TRIM38: variants seen among roughly 807,000 people sequenced by gnomAD.
The protein encoded by TRIM38 is E3 ubiquitin-protein ligase TRIM38.
Under a neutral mutation model 35.8 loss-of-function variants are expected in TRIM38, and 35 were observed. The ratio of observed to expected loss-of-function variants is 0.98; its 90% CI spans 0.75 to 1.30. The LOEUF (loss-of-function observed/expected upper bound fraction) is 1.30. Ranked by LOEUF, TRIM38 falls within the 50% of genes most tolerant of loss-of-function variation. TRIM38 has a pLI of 0.00. For missense variants in TRIM38, 545 were observed against 556.9 expected (o/e 0.98, Z 0.21); for synonymous variants, 198 against 204.7 (o/e 0.97, Z 0.28).
In TRIM38 at chr6:25,986,217, C is replaced by G. The variant is rs909681304; in HGVS notation, c.*2530C>G. 1 of 152,108 alleles carries G rather than the reference C, an allele frequency of 6.6e-6. No individual in the cohort carries two copies. Among genetic ancestry groups the G allele is most frequent in the African/African-American group, 2.4e-5 (1 of 41,434 alleles). The allele number at this position is 152,108 out of a possible 1,614,324, so 9.4% of individuals were successfully genotyped here. On this transcript the variant is annotated 3_prime_UTR_variant, in exon 8 of 8. Coordinates refer to ENST00000357085, the MANE Select transcript of TRIM38 (RefSeq NM_006355.5). Reference sequence around the variant, plus strand: ...GAAAATCTAAACAGACTGATAAATACAAAATGAAATTCAGACACTTACAGA... The same window carrying G: ...GAAAATCTAAACAGACTGATAAATAGAAAATGAAATTCAGACACTTACAGA...
Position 25,964,901 on chromosome 6 carries a change from T to C in TRIM38, c.-188-1434T>C, listed in dbSNP as rs527787097. Among the ~76,000 whole-genome samples, 3 of 151,108 alleles carry C rather than the reference T, an allele frequency of 2.0e-5. No individual in the cohort carries two copies. In the South Asian group the frequency reaches 6.3e-4, roughly 32 times the overall value. On this transcript the variant is annotated intron_variant, in intron 2 of 7. Transcript: ENST00000357085. Reference sequence around the variant, plus strand: ...ATCTGGGCTCACTGCAACCTCCCCCTCCGGAGCTCAAGTCATTCTCCTTCC... The same window carrying C: ...ATCTGGGCTCACTGCAACCTCCCCCCCCGGAGCTCAAGTCATTCTCCTTCC...
At chr6:25,981,588 A>C (rs1188935732) in intron 7 of TRIM38, among the ~76,000 whole-genome samples, 1 of 152,146 alleles carries the variant, frequency 6.6e-6, no homozygotes, top group Non-Finnish European at 1.5e-5. Flanking sequence ...GTTTGATTCT[A>C]GTCTGATATT....
rs1760639070 is a variant in TRIM38, at chr6:25,983,791, A to C, written c.*104A>C. Reference sequence around the variant, plus strand: ...TTTTCTTCGCTGTCATTTCCTTAGTAGTTAGACTAGTGCTGAGATTTTAGT... The same window carrying C: ...TTTTCTTCGCTGTCATTTCCTTAGTCGTTAGACTAGTGCTGAGATTTTAGT... On this transcript the variant is annotated 3_prime_UTR_variant, in exon 8 of 8. Transcript: ENST00000357085. 3.8e-6 allele frequency: 4 copies of C among 1,065,204 alleles called. No individual in the cohort carries two copies. The highest frequency in any genetic ancestry group is 3.2e-5 in the African/African-American group (2 of 62,684). The allele number at this position is 1,065,204 out of a possible 1,614,324, so 66.0% of individuals were successfully genotyped here.
Position 25,989,571 on chromosome 6 carries a change from C to T in TRIM38, c.*5884C>T, listed in dbSNP as rs1581616379. The T allele has an allele frequency of 1.6e-5, 2 of 125,152 alleles. No homozygotes were observed. Among genetic ancestry groups the T allele is most frequent in the Admixed American group, 1.0e-4 (1 of 9,938 alleles). The allele number at this position is 125,152 out of a possible 1,614,324, so 7.8% of individuals were successfully genotyped here. On this transcript the variant is annotated 3_prime_UTR_variant, in exon 8 of 8. Transcript: ENST00000357085. ...GTCTTGCTACAGTGCCCAGGCTGGT[C>T]TCGAACTCCAGGCCTAAAATGATCC... is the stretch of plus-strand genomic sequence containing the variant.
intron 2 of TRIM38, among the ~76,000 whole-genome samples, chr6:25,965,534 A>C (rs915082371): frequency 6.6e-6 from 1 of 152,086 alleles, no homozygotes; most frequent in Non-Finnish European, 1.5e-5. Context: ...AGGCAGGAGG[A>C]TTGCTTAAAC....
In TRIM38 at chr6:25,966,430, G is replaced by C. The variant is rs1392037525; in HGVS notation, c.-93G>C. 8 of 1,325,646 alleles carry C rather than the reference G, an allele frequency of 6.0e-6. No individual in the cohort carries two copies. The East Asian group carries it at 1.7e-4, about 28-fold the overall frequency. 82.1% of individuals were successfully genotyped at this position (1,325,646 alleles called of 1,614,324 possible). Reference sequence around the variant, plus strand: ...AGTTGCAGCCAGCTCATCACATAGAGGTGCAGGTGAGGTGTATTTTCATCA... The same window carrying C: ...AGTTGCAGCCAGCTCATCACATAGACGTGCAGGTGAGGTGTATTTTCATCA... On this transcript the variant is annotated 5_prime_UTR_variant, in exon 3 of 8. Coordinates refer to ENST00000357085, the MANE Select transcript of TRIM38 (RefSeq NM_006355.5).
chr6:25,974,141 G>A (rs918583364), intron 7 of TRIM38, among the ~76,000 whole-genome samples: 2 of 152,212 alleles, frequency 1.3e-5, no homozygotes, highest in African/African-American at 4.8e-5. Flanking sequence ...GGTCTGATAA[G>A]GCTGCAGTTA....
At chr6:25,977,632 A>T (rs1760433741) in intron 7 of TRIM38, among the ~76,000 whole-genome samples, 1 of 150,832 alleles carries the variant, frequency 6.6e-6, no homozygotes, top group South Asian at 2.1e-4. Context: ...GTGCCACTGC[A>T]CTCCAGCTTG....
intron 4 of TRIM38, among the ~76,000 whole-genome samples, chr6:25,970,632 A>G (rs1441383763): frequency 2.6e-5 from 4 of 152,222 alleles, no homozygotes; most frequent in Non-Finnish European, 5.9e-5. Flanking sequence ...AAACCCGTCT[A>G]TACAAGAGTT....
In TRIM38 at chr6:25,983,302, G is replaced by C; in HGVS notation, c.1013G>C (p.Gly338Ala). The change falls in exon 8 of 8, where the codon GGT becomes GCT. Residue 338 changes from glycine (G) to alanine (A), a missense_variant. By Grantham distance (60) the Gly-to-Ala change is moderately conservative (BLOSUM62 0). Coordinates refer to ENST00000357085, the MANE Select transcript of TRIM38 (RefSeq NM_006355.5). The part of the protein sequence containing the change: ...RRFTAFPCVL[G>A]CEGFTSGRRY... ...TTTACTGCCTTCCCCTGTGTCTTGG[G>C]TTGTGAAGGCTTCACCTCAGGAAGA... 1 of 1,614,170 alleles carries C rather than the reference G, an allele frequency of 6.2e-7. No individual in the cohort carries two copies. The highest frequency in any genetic ancestry group is 8.5e-7 in the Non-Finnish European group (1 of 1,180,026).
intron 2 of TRIM38, among the ~76,000 whole-genome samples, chr6:25,964,686 A>C (rs1759961068): frequency 6.6e-6 from 1 of 152,074 alleles, no homozygotes. Context: ...AATTCAAAAT[A>C]CTCATTATAC....
At chr6:25,983,102 A>G (rs1760601589) in intron 7 of TRIM38, 62 bp from the exon 8 acceptor site, 2 of 1,485,096 alleles carry the variant, frequency 1.3e-6, no homozygotes. Context: ...AAAATAAAAT[A>G]AAATAACCTG....
At chr6:25,983,075 A>G in intron 7 of TRIM38, 89 bp from the exon 8 acceptor site, 1 of 1,338,694 alleles carries the variant, frequency 7.5e-7, no homozygotes, top group Non-Finnish European at 1.0e-6. Flanking sequence ...GGTGACAGCA[A>G]CACTCCATCT....
intron 7 of TRIM38, among the ~76,000 whole-genome samples, chr6:25,980,514 C>T (rs1350562639): frequency 6.6e-6 from 1 of 151,914 alleles, no homozygotes; most frequent in African/African-American, 2.4e-5. Context: ...TCTGCCTCCC[C>T]GGTTCAAGTG....
intron 2 of TRIM38, among the ~76,000 whole-genome samples, chr6:25,963,807 G>C (rs912779286): frequency 6.6e-6 from 1 of 152,152 alleles, no homozygotes; most frequent in African/African-American, 2.4e-5. Context: ...CTAGCAAGAC[G>C]TTATTAGCCA....
At chr6:25,981,093 C>T (rs1229272981) in intron 7 of TRIM38, among the ~76,000 whole-genome samples, 1 of 152,228 alleles carries the variant, frequency 6.6e-6, no homozygotes, top group East Asian at 1.9e-4. Flanking sequence ...GAACTAGGAA[C>T]AGTTAGAGAG....
intron 7 of TRIM38, among the ~76,000 whole-genome samples, chr6:25,976,208 G>A (rs1760387883): frequency 6.6e-6 from 1 of 152,174 alleles, no homozygotes; most frequent in African/African-American, 2.4e-5. Flanking sequence ...CATAGAAAGA[G>A]TCTAGAGTCT....
At chr6:25,964,328 A>G (rs764581461) in intron 2 of TRIM38, among the ~76,000 whole-genome samples, 6 of 152,200 alleles carry the variant, frequency 3.9e-5, no homozygotes, top group Non-Finnish European at 8.8e-5. Flanking sequence ...ATACATATTT[A>G]TTTCAGAGGG....
In TRIM38 at chr6:25,983,358, A is replaced by G. The variant is rs1452377716; in HGVS notation, c.1069A>G (p.Thr357Ala). The change falls in exon 8 of 8, where the codon ACC becomes GCC. Residue 357 changes from threonine to alanine, a missense_variant. Physicochemically the swap from Thr to Ala is moderately conservative, Grantham distance 58. Transcript: ENST00000357085. ...RYFEVDVGEGTGWDLGVCMEN... is the reference protein window; with the variant it reads ...RYFEVDVGEGAGWDLGVCMEN... ...CTTTGAAGTGGATGTTGGCGAAGGA[A>G]CCGGATGGGATTTAGGAGTTTGTAT... 2.5e-6 allele frequency: 4 copies of G among 1,614,106 alleles called. No individual in the cohort carries two copies. The East Asian group carries it at 8.9e-5, about 36-fold the overall frequency.
Sources: allele counts gnomAD v4.1 joint callset (sites outside exome capture counted in the v4.1 genomes callset), GRCh38; gene constraint gnomAD v4.1.1; transcripts MANE v1.5; gene names NCBI Gene and HGNC (gene_info 2026-07-23, HGNC 2026-07-21).